Variants in FEZ2 observed in about 807,000 individuals in gnomAD.
FEZ2 encodes the protein fasciculation and elongation protein zeta 2, also known as fasciculation and elongation protein zeta-2.
In FEZ2, 51 loss-of-function variants were observed where a neutral mutation model predicts 40.4. The ratio of observed to expected loss-of-function variants is 1.26; its 90% CI spans 1.01 to 1.59. The LOEUF (loss-of-function observed/expected upper bound fraction) is 1.59, where lower values mean the gene tolerates loss of function less well. Ranked by LOEUF, FEZ2 falls within the 40% of genes most tolerant of loss-of-function variation. The pLI, the probability that FEZ2 is intolerant of heterozygous loss-of-function variation, is 0.00. For synonymous variants in FEZ2, 242 were observed against 172.0 expected, an observed-to-expected ratio of 1.41 and a Z score of -3.18; for missense variants, 640 against 438.3, an observed-to-expected ratio of 1.46 and a Z score of -4.11.
chr2:36,573,180 C>G (rs535084218), intron 5 of FEZ2, among the ~76,000 whole-genome samples: 1 of 152,182 alleles, frequency 6.6e-6, no homozygotes, highest in African/African-American at 2.4e-5. Flanking sequence ...ATCTTCTCAA[C>G]AAGACTTAGC....
At chr2:36,589,932 T>C (rs1208699971) in intron 2 of FEZ2, 1 of 152,248 alleles carries the variant, frequency 6.6e-6, no homozygotes, top group Non-Finnish European at 1.5e-5. Flanking sequence ...TGAGTTTACA[T>C]TATTATTTGA....
chr2:36,556,001 A>C (rs1180021603), intron 6 of FEZ2: 6 of 610,506 alleles, frequency 9.8e-6, no homozygotes, highest in Non-Finnish European at 1.9e-5. Flanking sequence ...CCTGATTTAA[A>C]ATTTCCAAAC....
Position 36,578,690 on chromosome 2 carries a change from C to A in FEZ2, c.810G>T (p.Gln270His), listed in dbSNP as rs756577196. 9 of 1,613,758 alleles carry A rather than the reference C, an allele frequency of 5.6e-6. No homozygotes were observed. In the Admixed American group the frequency reaches 1.3e-4, roughly 24 times the overall value. Residue 270 changes from glutamine (Q) to histidine (H), a missense_variant, in exon 5 of 8, where the codon CAG becomes CAT. Gln to His is a conservative substitution (Grantham distance 24). Coordinates refer to ENST00000405912, the MANE Select transcript of FEZ2 (RefSeq NM_005102.3). ...ISVLIEVQNK[Q>H]KEHKETAKKK... The stretch of plus-strand genomic sequence containing the variant: ...TTTTTGCTGTTTCTTTGTGCTCTTT[C>A]TGTTTGTTTTGCACTTCAATAAGAA...
At chr2:36,576,794 T>C (rs1057428171) in intron 5 of FEZ2, among the ~76,000 whole-genome samples, 2 of 152,238 alleles carry the variant, frequency 1.3e-5, no homozygotes, top group Non-Finnish European at 2.9e-5. Context: ...TTTCTCAATA[T>C]AAATGCCATG....
intron 1 of FEZ2, among the ~76,000 whole-genome samples, chr2:36,593,251 G>A (rs1474887630): frequency 1.3e-5 from 2 of 152,086 alleles, no homozygotes; most frequent in Non-Finnish European, 2.9e-5. Flanking sequence ...AGAAAAGGAG[G>A]AAGATGCAAA....
At chr2:36,571,160 C>CATAAAA (rs1198996283) in intron 5 of FEZ2, among the ~76,000 whole-genome samples, 4 of 152,086 alleles carry the variant, frequency 2.6e-5, no homozygotes, top group Non-Finnish European at 5.9e-5. Flanking sequence ...CAAATTTGTT[C>CATAAAA]CACATCTAAA....
chr2:36,563,061 C>T (rs1165195162), intron 5 of FEZ2, among the ~76,000 whole-genome samples: 1 of 152,194 alleles, frequency 6.6e-6, no homozygotes, highest in Non-Finnish European at 1.5e-5. Context: ...AAAGCCAATT[C>T]CTGTCACTAG....
At chr2:36,559,644 CA>C (rs1302148283) in intron 5 of FEZ2, among the ~76,000 whole-genome samples, 1 of 152,164 alleles carries the variant, frequency 6.6e-6, no homozygotes, top group African/African-American at 2.4e-5. Context: ...TTGTAAAGAA[CA>C]ACAACAACAA....
At chr2:36,564,888 C>T (rs991379000) in intron 5 of FEZ2, among the ~76,000 whole-genome samples, 1 of 152,210 alleles carries the variant, frequency 6.6e-6, no homozygotes, top group African/African-American at 2.4e-5. Context: ...GTTATTGCAG[C>T]AACCCTGTCT....
intron 6 of FEZ2, chr2:36,556,021 A>G (rs981106781): frequency 4.2e-5 from 24 of 577,334 alleles, no homozygotes; most frequent in African/African-American, 3.9e-4. Context: ...CAGTGGAGAC[A>G]AAAAAAGAGG....
intron 2 of FEZ2, chr2:36,584,091 A>C (rs1403341841): frequency 6.6e-6 from 1 of 152,438 alleles, no homozygotes; most frequent in South Asian, 2.1e-4. Context: ...GAAGACATCA[A>C]AGGATGCCCT....
intron 1 of FEZ2, among the ~76,000 whole-genome samples, chr2:36,596,366 C>T (rs1388209721): frequency 1.3e-5 from 2 of 152,200 alleles, no homozygotes; most frequent in East Asian, 1.9e-4. Context: ...AACTCCTTTC[C>T]GTGCCCGTGA....
At chr2:36,558,746 C>A (rs1469871803) in intron 5 of FEZ2, 2 of 313,988 alleles carry the variant, frequency 6.4e-6, no homozygotes, top group Non-Finnish European at 1.2e-5. Context: ...GAAACAACCA[C>A]CTTTTTGCAT....
chr2:36,595,415 C>A (rs1224616526), intron 1 of FEZ2, among the ~76,000 whole-genome samples: 3 of 152,032 alleles, frequency 2.0e-5, no homozygotes, highest in African/African-American at 4.8e-5. Context: ...CAAACTAGAA[C>A]CCTCACTTGT....
At chr2:36,570,516 T>C (rs1417672783) in intron 5 of FEZ2, among the ~76,000 whole-genome samples, 1 of 152,206 alleles carries the variant, frequency 6.6e-6, no homozygotes, top group Non-Finnish European at 1.5e-5. Context: ...ATTTTAGAAA[T>C]TCCTTCCTGA....
At chr2:36,580,263 A>T (rs778287002) in intron 4 of FEZ2, among the ~76,000 whole-genome samples, 1 of 152,222 alleles carries the variant, frequency 6.6e-6, no homozygotes, top group Non-Finnish European at 1.5e-5. Flanking sequence ...ACCTACAGGA[A>T]CATGGCCAAA....
At chr2:36,559,447 G>A (rs1668035728) in intron 5 of FEZ2, among the ~76,000 whole-genome samples, 1 of 152,172 alleles carries the variant, frequency 6.6e-6, no homozygotes, top group Non-Finnish European at 1.5e-5. Context: ...AATCCTCACT[G>A]AGTGATCTTA....
chr2:36,578,207 C>T (rs1265745892), intron 5 of FEZ2, among the ~76,000 whole-genome samples: 1 of 152,204 alleles, frequency 6.6e-6, no homozygotes, highest in Non-Finnish European at 1.5e-5. Context: ...TCTTATCACA[C>T]AACTCGTAAG....
chr2:36,570,872 T>C (rs1353109271), intron 5 of FEZ2, among the ~76,000 whole-genome samples: 1 of 152,232 alleles, frequency 6.6e-6, no homozygotes, highest in Non-Finnish European at 1.5e-5. Context: ...GACCGAAATA[T>C]CACTATGTGG....
Sources: gnomAD v4.1 joint callset for allele counts (sites outside exome capture counted in the v4.1 genomes callset) on GRCh38, gnomAD v4.1.1 for gene constraint, MANE v1.5 for transcripts, NCBI Gene and HGNC (gene_info 2026-07-23, HGNC 2026-07-21) for gene names.